The following GRIK1 variants were observed in gnomAD, a reference collection of about 807,000 sequenced individuals.
The protein encoded by GRIK1 is glutamate receptor ionotropic, kainate 1.
In GRIK1, 69 loss-of-function variants were observed where a neutral mutation model predicts 105.7. The observed-to-expected ratio is 0.65, with a 90% CI of 0.54 to 0.80. The LOEUF (loss-of-function observed/expected upper bound fraction) is 0.80. GRIK1 is among the 30% of genes least tolerant of loss of function. GRIK1 has a pLI of 0.00. For missense variants in GRIK1, 1,109 were observed against 1,167.3 expected, an observed-to-expected ratio of 0.95 and a Z score of 0.73; for synonymous variants, 438 against 431.3, an observed-to-expected ratio of 1.02 and a Z score of -0.19.
At chr21:29,550,788 C>T (rs1015474579) in intron 16 of GRIK1, among the ~76,000 whole-genome samples, 2 of 152,192 alleles carry the variant, frequency 1.3e-5, no homozygotes, top group African/African-American at 4.8e-5. Context: ...TACTTAGTTT[C>T]TCCAGAAGGT....
intron 1 of GRIK1, among the ~76,000 whole-genome samples, chr21:29,700,233 C>A (rs1244798348): frequency 6.6e-6 from 1 of 152,120 alleles, no homozygotes. Context: ...GAAGCCACAG[C>A]TGGCAACATC....
intron 1 of GRIK1, among the ~76,000 whole-genome samples, chr21:29,788,971 C>T (rs1188950263): frequency 6.6e-6 from 1 of 152,172 alleles, no homozygotes; most frequent in African/African-American, 2.4e-5. Context: ...GGTGTGTGGC[C>T]CAGTTCCTAA....
intron 1 of GRIK1, among the ~76,000 whole-genome samples, chr21:29,712,322 A>G (rs1161812600): frequency 6.6e-6 from 1 of 152,130 alleles, no homozygotes; most frequent in East Asian, 1.9e-4. Flanking sequence ...TTGCTATAAA[A>G]ATAACGTTTC....
chr21:29,625,169 T>C (rs1219424019), intron 7 of GRIK1, among the ~76,000 whole-genome samples: 2 of 152,220 alleles, frequency 1.3e-5, no homozygotes, highest in Non-Finnish European at 2.9e-5. Flanking sequence ...AATATATACC[T>C]CACGCCATTG....
At chr21:29,612,905 C>T (rs1291646908) in intron 7 of GRIK1, among the ~76,000 whole-genome samples, 1 of 152,106 alleles carries the variant, frequency 6.6e-6, no homozygotes, top group Non-Finnish European at 1.5e-5. Flanking sequence ...ATTTAAAATG[C>T]TACTTAAATA....
chr21:29,804,884 C>G (rs986117549), intron 1 of GRIK1, among the ~76,000 whole-genome samples: 1 of 152,144 alleles, frequency 6.6e-6, no homozygotes, highest in Admixed American at 6.6e-5. Flanking sequence ...TTTCATATGA[C>G]TTCATTTTGC....
At chr21:29,646,017 G>A (rs996868262) in intron 6 of GRIK1, among the ~76,000 whole-genome samples, 2 of 152,168 alleles carry the variant, frequency 1.3e-5, no homozygotes, top group African/African-American at 4.8e-5. Context: ...TTGGCCCCTT[G>A]ACTGGCTCTT....
intron 2 of GRIK1, 91 bp from the exon 3 acceptor site, chr21:29,690,076 A>G: frequency 1.0e-6 from 1 of 1,000,136 alleles, no homozygotes; most frequent in Non-Finnish European, 1.5e-6. Context: ...TTTTTCTTTC[A>G]TGATTCCTCT....
intron 1 of GRIK1, among the ~76,000 whole-genome samples, chr21:29,723,483 G>C (rs1439037027): frequency 1.3e-5 from 2 of 152,134 alleles, no homozygotes; most frequent in Non-Finnish European, 2.9e-5. Flanking sequence ...CTCATGAGAG[G>C]AATCACAGAA....
intron 1 of GRIK1, among the ~76,000 whole-genome samples, chr21:29,757,112 C>A (rs1216709335): frequency 2.0e-5 from 3 of 151,638 alleles, no homozygotes; most frequent in Non-Finnish European, 4.4e-5. Context: ...ATTGAGACTC[C>A]ATCTCAATAT....
rs147354405 is a variant in GRIK1, at chr21:29,597,879, G to A, written c.1206+951C>T. ...AAAAAATGTGTCCTGGTTAACAAAA[G>A]CAAGAAAACGGAAATGAAAACCTTA... On this transcript the variant is annotated intron_variant, in intron 8 of 17. Coordinates refer to ENST00000327783, the MANE Select transcript of GRIK1 (RefSeq NM_001330994.2). Among the ~76,000 whole-genome samples the A allele has an allele frequency of 4.3e-3, 653 of 152,206 alleles. 3 individuals carry two copies. The highest frequency in any genetic ancestry group is 0.015 in the African/African-American group (627 of 41,538).
intron 1 of GRIK1, among the ~76,000 whole-genome samples, chr21:29,938,871 T>G (rs1348726501): frequency 6.6e-6 from 1 of 151,906 alleles, no homozygotes; most frequent in Admixed American, 6.6e-5. Flanking sequence ...GCATAAAAAC[T>G]TGGAGGCTCT....
intron 12 of GRIK1, among the ~76,000 whole-genome samples, chr21:29,585,667 C>T (rs996812847): frequency 3.9e-5 from 6 of 152,078 alleles, no homozygotes; most frequent in African/African-American, 1.4e-4. Context: ...CAGGTGTGGG[C>T]CTCCGGGCAG....
chr21:29,924,294 G>A (rs2071283000), intron 1 of GRIK1, among the ~76,000 whole-genome samples: 1 of 149,658 alleles, frequency 6.7e-6, no homozygotes, highest in South Asian at 2.1e-4. Flanking sequence ...CCGAGATCAT[G>A]CCACTGCACT....
chr21:29,721,500 T>A (rs1302645444), intron 1 of GRIK1, among the ~76,000 whole-genome samples: 1 of 149,198 alleles, frequency 6.7e-6, no homozygotes, highest in African/African-American at 2.5e-5. Context: ...CTTAGGAAGC[T>A]GAATCGACAA....
chr21:29,654,646 A>AG (rs1237897512), intron 5 of GRIK1, among the ~76,000 whole-genome samples, 164 bp downstream of exon 5: 27 of 120,166 alleles, frequency 2.2e-4, no homozygotes, highest in African/African-American at 6.0e-4. Flanking sequence ...AAAGAAAGAA[A>AG]AAAAGCCTGC....
intron 1 of GRIK1, among the ~76,000 whole-genome samples, chr21:29,897,044 G>A (rs141144229): frequency 1.8e-4 from 28 of 152,218 alleles, no homozygotes; most frequent in South Asian, 4.2e-4. Flanking sequence ...AATGAGAAGC[G>A]GATTTAAAAC....
At chr21:29,700,593 A>C (rs945621333) in intron 1 of GRIK1, among the ~76,000 whole-genome samples, 3 of 152,116 alleles carry the variant, frequency 2.0e-5, no homozygotes, top group East Asian at 1.9e-4. Context: ...TCTAGGTCTC[A>C]CTGATTGACT....
chr21:29,819,759 G>A (rs553381292), intron 1 of GRIK1, among the ~76,000 whole-genome samples: 1 of 152,092 alleles, frequency 6.6e-6, no homozygotes, highest in South Asian at 2.1e-4. Context: ...TAAAAGCTAC[G>A]AGAAGAATTC....
Sources: gnomAD v4.1 joint callset for allele counts (sites outside exome capture counted in the v4.1 genomes callset) on GRCh38, gnomAD v4.1.1 for gene constraint, MANE v1.5 for transcripts, NCBI Gene and HGNC (gene_info 2026-07-23, HGNC 2026-07-21) for gene names.